Variants in HDAC9 observed in about 807,000 individuals in gnomAD.
HDAC9 encodes the protein MEF-2 interacting transcription repressor (MITR) protein.
HDAC9 carries 41 observed loss-of-function variants against 139.4 expected under a neutral mutation model. The observed-to-expected ratio is 0.29, with a 90% CI of 0.23 to 0.38. The LOEUF (loss-of-function observed/expected upper bound fraction) is 0.38. HDAC9 is among the 10% of genes least tolerant of loss of function. The pLI, the probability that HDAC9 is intolerant of heterozygous loss-of-function variation, is 1.00. For synonymous variants in HDAC9, 517 were observed against 476.2 expected, an observed-to-expected ratio of 1.09 and a Z score of -1.12; for missense variants, 1,147 against 1,297.0, an observed-to-expected ratio of 0.88 and a Z score of 1.78.
intron 6 of HDAC9, among the ~76,000 whole-genome samples, chr7:18,628,202 C>T (rs1584331774): frequency 6.6e-6 from 1 of 152,072 alleles, no homozygotes; most frequent in Admixed American, 6.6e-5. Flanking sequence ...GCTGGAAGAG[C>T]AACATTTTCA....
At chr7:18,856,247 AG>A (rs1249438544) in intron 21 of HDAC9, among the ~76,000 whole-genome samples, 3 of 152,186 alleles carry the variant, frequency 2.0e-5, no homozygotes, top group Non-Finnish European at 4.4e-5. Context: ...CTGCAGATCA[AG>A]TCCCTAAAAT....
At chr7:18,192,856 TG>T (rs1486958948) in intron 2 of HDAC9, among the ~76,000 whole-genome samples, 1 of 152,214 alleles carries the variant, frequency 6.6e-6, no homozygotes, top group Non-Finnish European at 1.5e-5. Flanking sequence ...ATATGTGCAT[TG>T]TATTTAATAT....
chr7:18,224,453 A>G (rs1178235545), intron 2 of HDAC9, among the ~76,000 whole-genome samples: 1 of 152,196 alleles, frequency 6.6e-6, no homozygotes, highest in East Asian at 1.9e-4. Flanking sequence ...TGAAAGTCAC[A>G]TAGCAACATG....
intron 22 of HDAC9, among the ~76,000 whole-genome samples, chr7:18,890,967 A>G (rs1211904301): frequency 2.0e-5 from 3 of 152,198 alleles, no homozygotes; most frequent in East Asian, 1.9e-4. Flanking sequence ...GACCTCCAGC[A>G]GTCTAGGATA....
intron 16 of HDAC9, among the ~76,000 whole-genome samples, chr7:18,784,934 A>C (rs1791567422): frequency 7.7e-6 from 1 of 129,194 alleles, no homozygotes; most frequent in African/African-American, 3.0e-5. Flanking sequence ...TTTAATAGGT[A>C]GCAATTGCTT....
intron 1 of HDAC9, among the ~76,000 whole-genome samples, chr7:18,440,648 A>G (rs563608925): frequency 6.6e-6 from 1 of 151,864 alleles, no homozygotes; most frequent in African/African-American, 2.4e-5. Flanking sequence ...TTATAAACCT[A>G]CTCTTGTTTT....
At chr7:18,352,736 G>C (rs1782946095) in intron 1 of HDAC9, among the ~76,000 whole-genome samples, 1 of 151,954 alleles carries the variant, frequency 6.6e-6, no homozygotes, top group Non-Finnish European at 1.5e-5. Context: ...GTGAATCTCG[G>C]TGTGCAAATA....
At chr7:18,793,535 T>C in intron 17 of HDAC9, 83 bp downstream of exon 17, 1 of 898,176 alleles carries the variant, frequency 1.1e-6, no homozygotes, top group Admixed American at 2.0e-5. Flanking sequence ...TTGCGGGGAG[T>C]GTGGCGTGGT....
chr7:18,379,025 T>A (rs1206094278), intron 1 of HDAC9, among the ~76,000 whole-genome samples: 1 of 152,192 alleles, frequency 6.6e-6, no homozygotes, highest in Admixed American at 6.5e-5. Flanking sequence ...AAAATCATTA[T>A]TCTTACTACA....
At chr7:18,640,357 T>TTAAAAA (rs1182761789) in intron 8 of HDAC9, among the ~76,000 whole-genome samples, 1 of 66,082 alleles carries the variant, frequency 1.5e-5, no homozygotes, top group Admixed American at 2.2e-4. Context: ...GATCCTGTCT[T>TTAAAAA]AAAAAAAAAA....
chr7:18,802,552 A>G (rs1793391452), intron 17 of HDAC9, among the ~76,000 whole-genome samples: 1 of 151,868 alleles, frequency 6.6e-6, no homozygotes, highest in South Asian at 2.1e-4. Flanking sequence ...AATAGTCCAT[A>G]TTTGGCTGCA....
intron 1 of HDAC9, among the ~76,000 whole-genome samples, chr7:18,412,241 T>C (rs1403302203): frequency 1.3e-5 from 2 of 152,150 alleles, no homozygotes; most frequent in Non-Finnish European, 2.9e-5. Context: ...GAAAATGTTA[T>C]TTAAGAATAG....
At chr7:18,993,072 T>A (rs2717345) in intron 25 of HDAC9, among the ~76,000 whole-genome samples, 9,305 of 152,162 alleles carry the variant, frequency 0.061, 932 homozygotes, top group African/African-American at 0.21. Context: ...CATTAAAGGG[T>A]CATCACTCAC....
At chr7:18,400,689 T>A (rs1787457900) in intron 1 of HDAC9, among the ~76,000 whole-genome samples, 1 of 152,048 alleles carries the variant, frequency 6.6e-6, no homozygotes, top group African/African-American at 2.4e-5. Context: ...GTGAGTCAAA[T>A]AGAGGAGGAT....
intron 1 of HDAC9, among the ~76,000 whole-genome samples, chr7:18,472,126 A>T (rs920950563): frequency 5.9e-5 from 9 of 152,170 alleles, no homozygotes; most frequent in Non-Finnish European, 8.8e-5. Context: ...AGCTGCCTTT[A>T]GCTGGAAGAT....
intron 5 of HDAC9, among the ~76,000 whole-genome samples, chr7:18,592,783 A>G (rs911273823): frequency 3.3e-5 from 5 of 152,170 alleles, no homozygotes; most frequent in Admixed American, 6.5e-5. Context: ...AACAATTTCA[A>G]ATATTCAATC....
At chr7:18,278,826 A>G (rs1007065795) in intron 2 of HDAC9, among the ~76,000 whole-genome samples, 1 of 152,192 alleles carries the variant, frequency 6.6e-6, no homozygotes, top group African/African-American at 2.4e-5. Context: ...TTTGAAAAGT[A>G]TGAAGAGGTG....
At chr7:18,184,866 A>C (rs961745356) in intron 2 of HDAC9, among the ~76,000 whole-genome samples, 1 of 152,202 alleles carries the variant, frequency 6.6e-6, no homozygotes, top group African/African-American at 2.4e-5. Flanking sequence ...TCACATTTTT[A>C]TTAAAATTTA....
intron 2 of HDAC9, among the ~76,000 whole-genome samples, chr7:18,576,999 C>G (rs991698838): frequency 6.6e-6 from 1 of 152,176 alleles, no homozygotes; most frequent in African/African-American, 2.4e-5. Context: ...TGACATACTT[C>G]CACCAGACAT....
Sources: gnomAD v4.1 joint callset for allele counts (sites outside exome capture counted in the v4.1 genomes callset) on GRCh38, gnomAD v4.1.1 for gene constraint, MANE v1.5 for transcripts, NCBI Gene and HGNC (gene_info 2026-07-23, HGNC 2026-07-21) for gene names.